The following NEBL variants were observed in gnomAD, a reference collection of about 807,000 sequenced individuals.
NEBL encodes nebulette.
A neutral mutation model predicts 140.2 loss-of-function variants in NEBL; 122 were observed. That is an observed-to-expected ratio of 0.87 (90% confidence interval 0.75 to 1.01). The LOEUF is 1.01. Ranked by LOEUF, NEBL falls within the 50% of genes least tolerant of loss-of-function variation. NEBL has a pLI of 0.00. For synonymous variants in NEBL, 436 were observed against 398.9 expected (o/e 1.09, Z -1.11); for missense variants, 1,365 against 1,231.3 (o/e 1.11, Z -1.62).
chr10:20,851,647 T>C (rs1036453175), intron 10 of NEBL, among the ~76,000 whole-genome samples: 7 of 149,128 alleles, frequency 4.7e-5, no homozygotes, highest in African/African-American at 1.7e-4. Flanking sequence ...TAGCCAGGCG[T>C]GGTGGCATGC....
At chr10:20,814,111 C>T in intron 22 of NEBL, 68 bp from the exon 23 acceptor site, 1 of 961,838 alleles carries the variant, frequency 1.0e-6, no homozygotes, top group Non-Finnish European at 1.7e-6. Context: ...TTAAGCTTTA[C>T]AAATGAGTGA....
chr10:21,098,827 A>C (rs1741645242), intron 2 of NEBL, among the ~76,000 whole-genome samples: 1 of 152,236 alleles, frequency 6.6e-6, no homozygotes, highest in African/African-American at 2.4e-5. Flanking sequence ...TTAGCAAAGA[A>C]ATCAAAGTGA....
At chr10:21,084,289 A>G (rs2131945515) in intron 2 of NEBL, among the ~76,000 whole-genome samples, 1 of 152,358 alleles carries the variant, frequency 6.6e-6, no homozygotes, top group Non-Finnish European at 1.5e-5. Flanking sequence ...CCTCATTCAC[A>G]GATTGCTTTA....
chr10:21,192,874 C>G (rs938198713), intron 3 of NEBL, among the ~76,000 whole-genome samples: 2 of 151,156 alleles, frequency 1.3e-5, no homozygotes, highest in South Asian at 4.2e-4. Flanking sequence ...CTTCAAGATG[C>G]TCACAGTCTA....
intron 3 of NEBL, among the ~76,000 whole-genome samples, chr10:20,982,720 C>T (rs1837100630): frequency 6.6e-6 from 1 of 152,072 alleles, no homozygotes; most frequent in Admixed American, 6.6e-5. Context: ...TTAGTATGGC[C>T]TTCCCCCCCA....
intron 2 of NEBL, among the ~76,000 whole-genome samples, chr10:21,150,356 C>A (rs1248479923): frequency 6.6e-6 from 1 of 152,082 alleles, no homozygotes; most frequent in Non-Finnish European, 1.5e-5. Context: ...TTGCTACTTC[C>A]CAAAAAAGTC....
intron 3 of NEBL, among the ~76,000 whole-genome samples, chr10:21,239,233 AC>A (rs1285152238): frequency 6.6e-6 from 1 of 152,100 alleles, no homozygotes; most frequent in Non-Finnish European, 1.5e-5. Context: ...GAGGTGGCAA[AC>A]ATAGTGCATT....
chr10:20,820,432 T>A (rs1451022927), intron 19 of NEBL, among the ~76,000 whole-genome samples: 1 of 152,196 alleles, frequency 6.6e-6, no homozygotes, highest in Admixed American at 6.5e-5. Flanking sequence ...TAGAAGAAAC[T>A]TCACAGGGAC....
At chr10:20,963,207 G>C (rs929178249) in intron 3 of NEBL, among the ~76,000 whole-genome samples, 15 of 152,184 alleles carry the variant, frequency 9.9e-5, no homozygotes, top group African/African-American at 3.6e-4. Context: ...TGAGAGATTA[G>C]CCTTCTCACC....
chr10:21,039,740 G>A (rs920299007), intron 2 of NEBL, among the ~76,000 whole-genome samples: 1 of 152,108 alleles, frequency 6.6e-6, no homozygotes, highest in Non-Finnish European at 1.5e-5. Context: ...ATAATACCTA[G>A]ACTAATTTTG....
rs543765307 is a variant in NEBL at position 20,889,921 on chromosome 10, G to A, written c.182C>T (p.Ser61Phe). The change falls in exon 3 of 28, where the codon TCC (serine) becomes TTC (phenylalanine). Residue 61 changes from serine to phenylalanine, a missense_variant. Ser to Phe is a radical substitution (Grantham distance 155). Transcript: ENST00000377122. ...DIRYKEEFKKSKDKCTFVTDS... is the reference protein window; with the variant it reads ...DIRYKEEFKKFKDKCTFVTDS... ...AGTCACAAATGTACACTTATCCTTG[G>A]ACTTTTTAAACTCTTCTTTATAACG... 2.3e-5 allele frequency: 37 copies of A among 1,608,806 alleles called. No homozygotes were observed. Among genetic ancestry groups the A allele is most frequent in the Non-Finnish European group, 3.1e-5 (36 of 1,176,482 alleles).
intron 2 of NEBL, among the ~76,000 whole-genome samples, chr10:21,059,335 G>A (rs1458163950): frequency 6.6e-6 from 1 of 152,194 alleles, no homozygotes; most frequent in Non-Finnish European, 1.5e-5. Flanking sequence ...AAAGTTCCAG[G>A]ATGAAAATGT....
intron 3 of NEBL, among the ~76,000 whole-genome samples, chr10:21,195,895 T>C (rs553321305): frequency 2.6e-5 from 4 of 152,384 alleles, no homozygotes; most frequent in Admixed American, 2.6e-4. Context: ...ATAAGGGCTG[T>C]ATATTCCCAC....
intron 18 of NEBL, among the ~76,000 whole-genome samples, 169 bp downstream of exon 18, chr10:20,826,278 G>C (rs1839849962): frequency 6.6e-6 from 1 of 152,114 alleles, no homozygotes; most frequent in South Asian, 2.1e-4. Context: ...GGGGAACAAG[G>C]ATACAGTTTT....
At chr10:21,233,882 T>A (rs1187108867) in intron 3 of NEBL, among the ~76,000 whole-genome samples, 4 of 145,372 alleles carry the variant, frequency 2.8e-5, no homozygotes, top group Non-Finnish European at 6.0e-5. Flanking sequence ...TATATGCATA[T>A]ATAGATATAT....
intron 9 of NEBL, among the ~76,000 whole-genome samples, chr10:20,856,975 C>T (rs558736462): frequency 3.1e-4 from 47 of 152,082 alleles, no homozygotes; most frequent in African/African-American, 1.1e-3. Flanking sequence ...ATTATAGATG[C>T]CCACCACCAC....
At chr10:21,093,271 T>C (rs1326726297) in intron 2 of NEBL, among the ~76,000 whole-genome samples, 1 of 150,718 alleles carries the variant, frequency 6.6e-6, no homozygotes, top group East Asian at 2.0e-4. Context: ...AAGACATGAA[T>C]GGTAGTGCCA....
chr10:20,908,491 A>G (rs1848193731), intron 4 of NEBL, among the ~76,000 whole-genome samples: 1 of 152,192 alleles, frequency 6.6e-6, no homozygotes, highest in South Asian at 2.1e-4. Context: ...CCATAATGAA[A>G]GCATTATGAG....
At chr10:20,889,774 T>C in intron 3 of NEBL, 71 bp downstream of exon 3, 1 of 922,642 alleles carries the variant, frequency 1.1e-6, no homozygotes, top group Admixed American at 1.7e-5. Flanking sequence ...ATCTCTTTAA[T>C]GCACAGACTT....
Sources: allele counts gnomAD v4.1 joint callset (sites outside exome capture counted in the v4.1 genomes callset), GRCh38; gene constraint gnomAD v4.1.1; transcripts MANE v1.5; gene names NCBI Gene and HGNC (gene_info 2026-07-23, HGNC 2026-07-21).